Variants in KPNB1 observed in about 807,000 individuals in gnomAD.
KPNB1 encodes the protein importin subunit beta-1.
Under a neutral mutation model 113.0 loss-of-function variants are expected in KPNB1, and 7 were observed. The observed-to-expected ratio is 0.06, with a 90% CI of 0.04 to 0.12. KPNB1 has a LOEUF of 0.12. KPNB1 is among the 10% of genes least tolerant of loss of function. KPNB1 has a pLI of 1.00. For synonymous variants in KPNB1, 363 were observed against 378.6 expected (o/e 0.96, Z 0.48); for missense variants, 400 against 1,054.8 (o/e 0.38, Z 8.60).
chr17:47,678,457 C>A, intron 19 of KPNB1, 44 bp downstream of exon 19: 1 of 1,379,148 alleles, frequency 7.3e-7, no homozygotes. Flanking sequence ...CGCCAATGTG[C>A]ACTTAGCCAA....
chr17:47,681,757 C>T (rs1735212945), intron 21 of KPNB1, among the ~76,000 whole-genome samples: 1 of 130,898 alleles, frequency 7.6e-6, no homozygotes, highest in Non-Finnish European at 1.5e-5. Context: ...CCAGACTGGT[C>T]CTGACCTCAG....
At chr17:47,653,367 A>G (rs1016474683) in intron 3 of KPNB1, among the ~76,000 whole-genome samples, 1 of 134,842 alleles carries the variant, frequency 7.4e-6, no homozygotes, top group South Asian at 2.3e-4. Context: ...TCCGCCTCCC[A>G]AGTAGCTGGG....
At chr17:47,669,057 C>CTGCATCCT (rs1567892227) in intron 10 of KPNB1, among the ~76,000 whole-genome samples, 1 of 151,076 alleles carries the variant, frequency 6.6e-6, no homozygotes. Flanking sequence ...GCCATCATAG[C>CTGCATCCT]TGCATCCTGA....
chr17:47,680,880 G>A (rs1353722391), intron 21 of KPNB1, among the ~76,000 whole-genome samples: 1 of 152,136 alleles, frequency 6.6e-6, no homozygotes, highest in Non-Finnish European at 1.5e-5. Flanking sequence ...TTTTAAAACT[G>A]GAATTCACTG....
intron 12 of KPNB1, 65 bp from the exon 13 acceptor site, chr17:47,672,944 TGGCAAGACA>T: frequency 7.0e-7 from 1 of 1,426,122 alleles, no homozygotes; most frequent in South Asian, 1.4e-5. Flanking sequence ...TTCTTATTTT[TGGCAAGACA>T]TTGTCTATGT....
chr17:47,659,075 G>A (rs903743948), intron 5 of KPNB1, among the ~76,000 whole-genome samples: 5 of 152,168 alleles, frequency 3.3e-5, no homozygotes, highest in Non-Finnish European at 7.4e-5. Flanking sequence ...TAGGCTGGGC[G>A]ATGTGGCTTA....
intron 3 of KPNB1, 57 bp from the exon 4 acceptor site, chr17:47,656,803 A>C: frequency 6.4e-7 from 1 of 1,559,958 alleles, no homozygotes; most frequent in African/African-American, 1.4e-5. Context: ...GGTGGTGGGC[A>C]AAATGTGGTC....
In KPNB1 at chr17:47,669,842, A is replaced by G. The variant is rs766429161; in HGVS notation, c.1389A>G (p.Glu463=). The part of the protein sequence containing the change: ...LQCLIEGLSA[E]PRVASNVCWA... ...GTCTGATTGAGGGTCTCAGTGCTGA[A>G]CCCAGAGTGGCTTCAAATGTGTGCT... The change falls in exon 11 of 22, where the codon GAA becomes GAG. Residue 463 remains glutamate, a synonymous_variant. Coordinates refer to ENST00000290158, the MANE Select transcript of KPNB1 (RefSeq NM_002265.6). 49 of 1,609,584 alleles carry G rather than the reference A, an allele frequency of 3.0e-5. No individual in the cohort carries two copies. The highest frequency in any genetic ancestry group is 4.1e-5 in the Non-Finnish European group (48 of 1,176,236).
chr17:47,682,560 C>T lies in KPNB1; in HGVS notation c.*156C>T, dbSNP rs2030816166. The T allele has an allele frequency of 9.1e-6, 6 of 661,754 alleles. No homozygotes were observed. In the South Asian group the frequency reaches 1.0e-4, roughly 11 times the overall value. 41.0% of individuals were successfully genotyped at this position (661,754 alleles called of 1,614,324 possible). A position where few individuals can be genotyped will look rare whatever the true frequency, so the allele number is the denominator to read the frequency against. ...AAACACACCACATTGAAAATCCTGC[C>T]ACAGCAGCAGCCGCAGCCGCCAACA... On this transcript the variant is annotated 3_prime_UTR_variant, in exon 22 of 22. Transcript: ENST00000290158.
At chr17:47,651,100 T>A (rs1438972195) in intron 2 of KPNB1, 3 of 383,608 alleles carry the variant, frequency 7.8e-6, no homozygotes, top group Non-Finnish European at 1.1e-5. Flanking sequence ...TCACTAGGGA[T>A]CTGCACCCAG....
chr17:47,653,670 C>A (rs959753812), intron 3 of KPNB1, among the ~76,000 whole-genome samples: 17 of 152,260 alleles, frequency 1.1e-4, no homozygotes, highest in African/African-American at 3.9e-4. Flanking sequence ...GTGGGGAATT[C>A]CTACATATGT....
chr17:47,675,624 G>A (rs1415416376), intron 15 of KPNB1, among the ~76,000 whole-genome samples: 1 of 152,026 alleles, frequency 6.6e-6, no homozygotes, highest in Non-Finnish European at 1.5e-5. Context: ...ACATCATGGT[G>A]CCTGGTATGG....
chr17:47,650,564 C>T lies in KPNB1; in HGVS notation c.99+120C>T. On this transcript the variant is annotated intron_variant, in intron 2 of 21. Coordinates refer to ENST00000290158, the MANE Select transcript of KPNB1 (RefSeq NM_002265.6). ...ACCCCGCCCCATCCCGTCCCCCTCC[C>T]CCCTCCCCCTCCCCCCCCAACCCGG... 15 of 695,792 alleles carry T rather than the reference C, an allele frequency of 2.2e-5. No homozygotes were observed. The South Asian group carries it at 2.3e-4, about 11-fold the overall frequency. The allele number at this position is 695,792 out of a possible 1,614,324, so 43.1% of individuals were successfully genotyped here.
intron 4 of KPNB1, 28 bp downstream of exon 4, chr17:47,657,088 T>A: frequency 6.3e-7 from 1 of 1,581,484 alleles, no homozygotes; most frequent in Non-Finnish European, 8.7e-7. Context: ...GTATCTGGTT[T>A]ATATACCTCT....
At position 47,683,116 on chromosome 17, in the gene KPNB1, A is replaced by AC. The variant is rs1567897209; in HGVS notation, c.*712_*713insC. ...AAAAAAAAAAAAAAAAAAAAAAAAAAAAACACACACACAGAGGAAAGACGC... is the reference window on the plus strand; with the variant it reads ...AAAAAAAAAAAAAAAAAAAAAAAAAACAAACACACACACAGAGGAAAGACGC... On this transcript the variant is annotated 3_prime_UTR_variant, in exon 22 of 22. Transcript: ENST00000290158. The AC allele has an allele frequency of 1.4e-5, 2 of 147,802 alleles. No individual in the cohort carries two copies. The highest frequency in any genetic ancestry group is 1.9e-4 in the East Asian group (1 of 5,148). 9.2% of individuals were successfully genotyped at this position (147,802 alleles called of 1,614,324 possible). A position where few individuals can be genotyped will look rare whatever the true frequency, so the allele number is the denominator to read the frequency against.
Position 47,668,371 on chromosome 17 carries a change from A to G in KPNB1, c.1185A>G (p.Glu395=). 1 of 1,614,204 alleles carries G rather than the reference A, an allele frequency of 6.2e-7. No homozygotes were observed. The highest frequency in any genetic ancestry group is 8.5e-7 in the Non-Finnish European group (1 of 1,180,020). ...AAVMAFGCIL[E]GPEPSQLKPL... ...TGATGGCTTTTGGTTGTATCTTGGAAGGACCAGAGCCCAGTCAGCTCAAAC... is the reference window on the plus strand; with the variant it reads ...TGATGGCTTTTGGTTGTATCTTGGAGGGACCAGAGCCCAGTCAGCTCAAAC... Residue 395 remains glutamate, a synonymous_variant, in exon 10 of 22, where the codon GAA becomes GAG. Transcript: ENST00000290158.
At chr17:47,670,560 C>G in intron 11 of KPNB1, 142 bp from the exon 12 acceptor site, 1 of 667,068 alleles carries the variant, frequency 1.5e-6, no homozygotes, top group Admixed American at 2.6e-5. Flanking sequence ...TAAAAGATAC[C>G]TGTAAAATGC....
At chr17:47,666,769 C>T (rs2030300703) in intron 9 of KPNB1, among the ~76,000 whole-genome samples, 1 of 151,536 alleles carries the variant, frequency 6.6e-6, no homozygotes, top group South Asian at 2.1e-4. Context: ...CAGGCATGCA[C>T]CACCACGCCT....
intron 8 of KPNB1, 49 bp downstream of exon 8, chr17:47,664,318 AT>A: frequency 8.5e-7 from 1 of 1,182,330 alleles, no homozygotes; most frequent in Non-Finnish European, 1.3e-6. Flanking sequence ...GACATATCTC[AT>A]TTGTGGATGA....
Sources: allele counts gnomAD v4.1 joint callset (sites outside exome capture counted in the v4.1 genomes callset), GRCh38; gene constraint gnomAD v4.1.1; transcripts MANE v1.5; gene names NCBI Gene and HGNC (gene_info 2026-07-23, HGNC 2026-07-21).